CLINT1: variants seen among roughly 807,000 people sequenced by gnomAD.
CLINT1 encodes the protein clathrin interacting protein localized in the trans-Golgi region.
A neutral mutation model predicts 70.4 loss-of-function variants in CLINT1; 15 were observed. That is an observed-to-expected ratio of 0.21 (90% CI 0.14 to 0.33). The LOEUF (loss-of-function observed/expected upper bound fraction) is 0.33. Ranked by LOEUF, CLINT1 falls within the 10% of genes least tolerant of loss-of-function variation. The pLI is 1.00. For missense variants in CLINT1, 615 were observed against 778.1 expected (o/e 0.79, Z 2.49); for synonymous variants, 227 against 254.7 (o/e 0.89, Z 1.04).
At chr5:157,818,862 C>T (rs1265634596) in intron 1 of CLINT1, among the ~76,000 whole-genome samples, 3 of 152,110 alleles carry the variant, frequency 2.0e-5, no homozygotes, top group Non-Finnish European at 4.4e-5. Context: ...ATGTGACATC[C>T]TATAGTAGTA....
intron 1 of CLINT1, among the ~76,000 whole-genome samples, chr5:157,837,044 T>C (rs1376914150): frequency 3.3e-5 from 5 of 152,228 alleles, no homozygotes; most frequent in Non-Finnish European, 7.3e-5. Flanking sequence ...TATAACACTT[T>C]ATTCCCCTTG....
intron 1 of CLINT1, among the ~76,000 whole-genome samples, chr5:157,848,436 G>A (rs745572361): frequency 7.2e-5 from 11 of 151,808 alleles, no homozygotes; most frequent in Non-Finnish European, 1.5e-4. Flanking sequence ...ACGCAGTCTC[G>A]CTCTGTTGCC....
intron 1 of CLINT1, among the ~76,000 whole-genome samples, chr5:157,833,961 T>C (rs1254881807): frequency 6.6e-6 from 1 of 151,968 alleles, no homozygotes; most frequent in Non-Finnish European, 1.5e-5. Context: ...AAACAGTGTA[T>C]TGTAACAGGC....
intron 1 of CLINT1, among the ~76,000 whole-genome samples, chr5:157,819,095 C>T (rs1297189026): frequency 6.6e-6 from 1 of 152,146 alleles, no homozygotes; most frequent in Non-Finnish European, 1.5e-5. Flanking sequence ...GAAATTGGCA[C>T]TCAAATCTCT....
At chr5:157,840,258 A>AAAAAC (rs1753124335) in intron 1 of CLINT1, among the ~76,000 whole-genome samples, 1 of 151,590 alleles carries the variant, frequency 6.6e-6, no homozygotes, top group African/African-American at 2.4e-5. Flanking sequence ...TTTAAAAAAA[A>AAAAAC]AAAACAAAAA....
At chr5:157,823,354 T>C (rs1300470180) in intron 1 of CLINT1, among the ~76,000 whole-genome samples, 1 of 152,234 alleles carries the variant, frequency 6.6e-6, no homozygotes, top group Non-Finnish European at 1.5e-5. Context: ...AAAATATAAG[T>C]ACTGTATCAT....
Position 157,813,109 on chromosome 5 carries a change from G to A in CLINT1, c.471C>T (p.Asp157=). 6.2e-7 allele frequency: 1 copy of A among 1,613,824 alleles called. No homozygotes were observed. The highest frequency in any genetic ancestry group is 8.5e-7 in the Non-Finnish European group (1 of 1,179,826). ...EERKKAKKNK[D]KYVGVSSDSV... ...TGTCTGAGGAAACCCCAACATACTT[G>A]TCTTTGTTCTTCTTTGCTTTCTTTC... The change falls in exon 5 of 12, where the codon GAC becomes GAT. Residue 157 remains aspartate, a synonymous_variant. Coordinates refer to ENST00000411809, the MANE Select transcript of CLINT1 (RefSeq NM_014666.4).
At chr5:157,847,098 T>A (rs1753408844) in intron 1 of CLINT1, among the ~76,000 whole-genome samples, 1 of 152,154 alleles carries the variant, frequency 6.6e-6, no homozygotes, top group Admixed American at 6.6e-5. Context: ...TCTTATTATT[T>A]AAGAAAATAC....
At chr5:157,813,295 T>TA (rs967478773) in intron 4 of CLINT1, 68 bp from the exon 5 acceptor site, 45 of 1,357,700 alleles carry the variant, frequency 3.3e-5, no homozygotes, top group South Asian at 8.5e-5. Flanking sequence ...TCTTTAAGAT[T>TA]AAAAAAAAGA....
At chr5:157,838,740 T>C (rs529034821) in intron 1 of CLINT1, among the ~76,000 whole-genome samples, 1 of 152,220 alleles carries the variant, frequency 6.6e-6, no homozygotes, top group South Asian at 2.1e-4. Flanking sequence ...ACAAGAAATA[T>C]TGTTAGGAAG....
chr5:157,841,332 G>A (rs1461127260), intron 1 of CLINT1, among the ~76,000 whole-genome samples: 2 of 151,788 alleles, frequency 1.3e-5, no homozygotes, highest in African/African-American at 2.4e-5. Context: ...TTGGGAGGCC[G>A]AGGTGGGCAG....
In CLINT1 at chr5:157,832,032, A is replaced by G. The variant is rs527333649; in HGVS notation, c.42-14485T>C. On this transcript the variant is annotated intron_variant, in intron 1 of 11. Transcript: ENST00000411809. ...AGACAGAGTCTCGCACTGTCCCCCA[A>G]GCTGGAGTGCAGTGGTAGGATCTCG... Among the ~76,000 whole-genome samples the G allele has an allele frequency of 2.5e-4, 38 of 150,174 alleles. 1 individual carries two copies. Among genetic ancestry groups the G allele is most frequent in the East Asian group, 1.2e-3 (6 of 5,006 alleles).
At chr5:157,823,785 T>A (rs766801032) in intron 1 of CLINT1, 2 of 753,430 alleles carry the variant, frequency 2.7e-6, no homozygotes, top group Non-Finnish European at 3.2e-6. Flanking sequence ...ACCCCCGGAG[T>A]TGCGGACCGG....
At chr5:157,845,483 A>T (rs961387463) in intron 1 of CLINT1, among the ~76,000 whole-genome samples, 3 of 152,126 alleles carry the variant, frequency 2.0e-5, no homozygotes, top group Non-Finnish European at 4.4e-5. Flanking sequence ...ACCTAATTTT[A>T]CTGTGCTTTG....
intron 1 of CLINT1, among the ~76,000 whole-genome samples, chr5:157,838,291 T>G (rs1260282866): frequency 6.6e-6 from 1 of 152,074 alleles, no homozygotes; most frequent in Non-Finnish European, 1.5e-5. Flanking sequence ...CCCAGCTAAT[T>G]TTTGTATTTT....
chr5:157,807,993 T>C (rs938594850), intron 6 of CLINT1, among the ~76,000 whole-genome samples: 8 of 152,176 alleles, frequency 5.3e-5, no homozygotes, highest in Non-Finnish European at 1.2e-4. Context: ...AACTGGAATG[T>C]GATCTTTGAA....
intron 6 of CLINT1, among the ~76,000 whole-genome samples, chr5:157,806,442 G>C (rs1762386456): frequency 6.6e-6 from 1 of 152,166 alleles, no homozygotes. Flanking sequence ...AATAGGATTT[G>C]ATATCAGAAT....
intron 1 of CLINT1, among the ~76,000 whole-genome samples, chr5:157,836,163 T>C (rs1303475075): frequency 6.6e-6 from 1 of 152,250 alleles, no homozygotes; most frequent in African/African-American, 2.4e-5. Flanking sequence ...TACAGCCATA[T>C]TTGTTTGGTT....
intron 9 of CLINT1, 84 bp from the exon 10 acceptor site, chr5:157,792,079 G>T: frequency 8.8e-7 from 1 of 1,134,674 alleles, no homozygotes; most frequent in Non-Finnish European, 1.3e-6. Context: ...AAACAAATTA[G>T]AGCTGATCTG....
Sources: allele counts gnomAD v4.1 joint callset (sites outside exome capture counted in the v4.1 genomes callset), GRCh38; gene constraint gnomAD v4.1.1; transcripts MANE v1.5; gene names NCBI Gene and HGNC (gene_info 2026-07-23, HGNC 2026-07-21).